Variants in PALS1 observed in about 807,000 individuals in gnomAD.
The protein encoded by PALS1 is protein associated with LIN7 1, MAGUK p55 family member.
In PALS1, 31 loss-of-function variants were observed where a neutral mutation model predicts 78.9. That is an observed-to-expected ratio of 0.39 (90% confidence interval 0.30 to 0.53). PALS1 has a LOEUF of 0.53. PALS1 is among the 20% of genes least tolerant of loss of function. PALS1 has a pLI of 0.67. For missense variants in PALS1, 704 were observed against 826.5 expected, an observed-to-expected ratio of 0.85 and a Z score of 1.82; for synonymous variants, 276 against 270.9, an observed-to-expected ratio of 1.02 and a Z score of -0.18.
chr14:67,260,032 C>G (rs1041411704), intron 1 of PALS1, among the ~76,000 whole-genome samples: 1 of 152,088 alleles, frequency 6.6e-6, no homozygotes, highest in Admixed American at 6.6e-5. Context: ...GAGATTTAAA[C>G]AGAAACTATT....
rs1491090879 is a variant in PALS1 at position 67,289,768 on chromosome 14, C to CTTTTT, written c.368-2743_368-2742insTTTTT. ...ACATTGGGAAGATTTTTTTCCATGTCCTTTTTTTTTTTTTTTTTTTTTGAG... is the reference window on the plus strand; with the variant it reads ...ACATTGGGAAGATTTTTTTCCATGTCTTTTTCTTTTTTTTTTTTTTTTTTTTTGAG... On this transcript the variant is annotated intron_variant, in intron 3 of 14. Transcript: ENST00000261681. Among the ~76,000 whole-genome samples, 62 of 95,462 alleles carry CTTTTT rather than the reference C, an allele frequency of 6.5e-4. 7 individuals carry two copies. Among genetic ancestry groups the CTTTTT allele is most frequent in the Non-Finnish European group, 9.0e-4 (42 of 46,850 alleles). The allele number at this position is 95,462 out of a possible 152,430, so 62.6% of individuals were successfully genotyped here. A position where few individuals can be genotyped will look rare whatever the true frequency, so the allele number is the denominator to read the frequency against.
At chr14:67,298,067 G>A (rs1322794098) in intron 4 of PALS1, among the ~76,000 whole-genome samples, 1 of 152,092 alleles carries the variant, frequency 6.6e-6, no homozygotes, top group East Asian at 1.9e-4. Context: ...TAAGGCATAA[G>A]GAATGCCAGG....
At chr14:67,282,529 T>C (rs8021896) in intron 3 of PALS1, among the ~76,000 whole-genome samples, 22,713 of 152,100 alleles carry the variant, frequency 0.15, 3,179 homozygotes, top group East Asian at 0.42. Context: ...TTTGTAAATT[T>C]GACAATGTAT....
chr14:67,292,255 T>C (rs953353689), intron 3 of PALS1, among the ~76,000 whole-genome samples: 19 of 152,204 alleles, frequency 1.2e-4, no homozygotes, highest in South Asian at 2.1e-4. Flanking sequence ...CTCCCCTCAC[T>C]TGTTTTTATA....
intron 8 of PALS1, among the ~76,000 whole-genome samples, chr14:67,308,924 A>G (rs2085049463): frequency 6.6e-6 from 1 of 152,158 alleles, no homozygotes; most frequent in Non-Finnish European, 1.5e-5. Flanking sequence ...AAAAACATGT[A>G]AATAAACTGA....
chr14:67,263,909 GGTGGGGTCTCACT>G (rs1337683497), intron 1 of PALS1, among the ~76,000 whole-genome samples: 1 of 151,982 alleles, frequency 6.6e-6, no homozygotes, highest in East Asian at 1.9e-4. Context: ...TTTTTTTAGA[GGTGGGGTCTCACT>G]GTATTGCCCC....
At chr14:67,297,913 G>T (rs2084881024) in intron 4 of PALS1, among the ~76,000 whole-genome samples, 2 of 152,184 alleles carry the variant, frequency 1.3e-5, no homozygotes, top group South Asian at 4.1e-4. Context: ...TAGATCAAAT[G>T]TTCAGTCTTA....
chr14:67,320,151 G>A, intron 11 of PALS1, 79 bp from the exon 12 acceptor site: 1 of 1,326,552 alleles, frequency 7.5e-7, no homozygotes, highest in Non-Finnish European at 1.0e-6. Context: ...TCTAATTTTG[G>A]GTGAAGATCT....
intron 3 of PALS1, among the ~76,000 whole-genome samples, chr14:67,286,879 AAAAC>A (rs2084698512): frequency 6.6e-6 from 1 of 151,292 alleles, no homozygotes; most frequent in African/African-American, 2.4e-5. Context: ...AAAAAAGAAA[AAAAC>A]TGTTCTTGAA....
At chr14:67,281,639 T>C (rs980709954) in intron 3 of PALS1, among the ~76,000 whole-genome samples, 1 of 152,180 alleles carries the variant, frequency 6.6e-6, no homozygotes, top group Non-Finnish European at 1.5e-5. Context: ...ATTTGTCCAT[T>C]TGGTTTACTT....
intron 1 of PALS1, among the ~76,000 whole-genome samples, chr14:67,257,643 C>T (rs182737033): frequency 1.6e-4 from 24 of 151,772 alleles, no homozygotes; most frequent in Non-Finnish European, 5.9e-5. Flanking sequence ...AACATACACA[C>T]GTATTTTATA....
At chr14:67,269,333 G>GTT (rs1015762614) in intron 1 of PALS1, among the ~76,000 whole-genome samples, 1 of 151,150 alleles carries the variant, frequency 6.6e-6, no homozygotes, top group Non-Finnish European at 1.5e-5. Flanking sequence ...TTTTGTACAA[G>GTT]TTTTTGTGTG....
intron 4 of PALS1, among the ~76,000 whole-genome samples, chr14:67,297,773 A>G (rs2084878784): frequency 6.6e-6 from 1 of 152,210 alleles, no homozygotes; most frequent in Admixed American, 6.6e-5. Flanking sequence ...TCTTCCTTTC[A>G]TTGAATTCAT....
intron 2 of PALS1, among the ~76,000 whole-genome samples, chr14:67,272,973 C>A (rs905688911): frequency 1.3e-5 from 2 of 152,122 alleles, no homozygotes; most frequent in Non-Finnish European, 2.9e-5. Context: ...CACGCCTGGC[C>A]TGTAACCTTC....
intron 1 of PALS1, among the ~76,000 whole-genome samples, chr14:67,249,061 C>T (rs2084026653): frequency 6.6e-6 from 1 of 151,998 alleles, no homozygotes; most frequent in Admixed American, 6.6e-5. Flanking sequence ...CTCCCGGGTT[C>T]AAGTTATTTT....
At chr14:67,322,391 T>C (rs776845707) in intron 13 of PALS1, among the ~76,000 whole-genome samples, 3 of 152,128 alleles carry the variant, frequency 2.0e-5, no homozygotes, top group Non-Finnish European at 4.4e-5. Flanking sequence ...CTTGGAGTTT[T>C]TAAGAAACTC....
intron 1 of PALS1, among the ~76,000 whole-genome samples, chr14:67,251,990 T>A (rs186804192): frequency 5.3e-5 from 8 of 152,210 alleles, no homozygotes; most frequent in Middle Eastern, 3.4e-3. Flanking sequence ...AGATTCTGGG[T>A]TGGCGAATAT....
intron 1 of PALS1, among the ~76,000 whole-genome samples, chr14:67,246,732 C>T (rs902778796): frequency 7.1e-6 from 1 of 140,702 alleles, no homozygotes; most frequent in Admixed American, 7.8e-5. Flanking sequence ...CTCACTGCAA[C>T]TTCCCGCCTC....
In PALS1 at chr14:67,332,805, A is replaced by AGAAGACAAGAGAGATG; in HGVS notation, c.1880_1895dup (p.Gln633AspfsTer13). 1 of 1,612,012 alleles carries AGAAGACAAGAGAGATG rather than the reference A, an allele frequency of 6.2e-7. No homozygotes were observed. The highest frequency in any genetic ancestry group is 1.7e-5 in the Admixed American group (1 of 59,836). ...CCTGAAGAGTTGAGAGAAATCATTGAGAAGACAAGAGAGATGGAGCAGAAC... is the reference window on the plus strand; with the variant it reads ...CCTGAAGAGTTGAGAGAAATCATTGAGAAGACAAGAGAGATGGAAGACAAGAGAGATGGAGCAGAAC... On this transcript the variant is annotated frameshift_variant, in exon 15 of 15. Coordinates refer to ENST00000261681, the MANE Select transcript of PALS1 (RefSeq NM_022474.4). LOFTEE classifies it high-confidence loss of function.
Sources: gnomAD v4.1 joint callset for allele counts (sites outside exome capture counted in the v4.1 genomes callset) on GRCh38, gnomAD v4.1.1 for gene constraint, MANE v1.5 for transcripts, NCBI Gene and HGNC (gene_info 2026-07-23, HGNC 2026-07-21) for gene names.